Variants in OR5H14 observed in about 807,000 individuals in gnomAD.
OR5H14 encodes olfactory receptor 5H14.
For synonymous variants in OR5H14, 155 were observed against 130.6 expected (o/e 1.19, Z -1.28); for missense variants, 392 against 363.9 (o/e 1.08, Z -0.63).
intron 1 of OR5H14, among the ~76,000 whole-genome samples, chr3:98,148,819 C>G (rs76857063): frequency 1.3e-5 from 2 of 151,924 alleles, no homozygotes; most frequent in Non-Finnish European, 2.9e-5. Flanking sequence ...ATAAAACACC[C>G]TCCCAGATAA....
Position 98,156,091 on chromosome 3 carries a change from C to T in OR5H14, c.*5773C>T, listed in dbSNP as rs1445159840. 6.6e-6 allele frequency: 1 copy of T among 152,130 alleles called. No homozygotes were observed. The highest frequency in any genetic ancestry group is 1.5e-5 in the Non-Finnish European group (1 of 68,024). The allele number at this position is 152,130 out of a possible 1,614,324, so 9.4% of individuals were successfully genotyped here. On this transcript the variant is annotated 3_prime_UTR_variant, in exon 2 of 2. Coordinates refer to ENST00000641380, the MANE Select transcript of OR5H14 (RefSeq NM_001005514.2). ...AACGGAGATATACAATTGGTCAGCA[C>T]TTTTGTTGAAAGCAAATTTTTACAA...
At position 98,153,573 on chromosome 3, in the gene OR5H14, A is replaced by G. The variant is rs1266067051; in HGVS notation, c.*3255A>G. ...ACACCAGCCTAGGGAACAGAGTGAG[A>G]CACTGTCTCAGAAAAAGAAAAGAAA... On this transcript the variant is annotated 3_prime_UTR_variant, in exon 2 of 2. Coordinates refer to ENST00000641380, the MANE Select transcript of OR5H14 (RefSeq NM_001005514.2). The G allele has an allele frequency of 6.6e-6, 1 of 152,246 alleles. No homozygotes were observed. Among genetic ancestry groups the G allele is most frequent in the South Asian group, 2.1e-4 (1 of 4,832 alleles). 9.4% of individuals were successfully genotyped at this position (152,246 alleles called of 1,614,324 possible).
rs1708513088 is a variant in OR5H14, at chr3:98,151,840, G to C, written c.*1522G>C. ...ATTGGTTAAAGTAAACTTTTGTTAAGAACCTATCATCAGAGTGAACAGGCA... is the reference window on the plus strand; with the variant it reads ...ATTGGTTAAAGTAAACTTTTGTTAACAACCTATCATCAGAGTGAACAGGCA... On this transcript the variant is annotated 3_prime_UTR_variant, in exon 2 of 2. Transcript: ENST00000641380. The C allele has an allele frequency of 6.6e-6, 1 of 152,122 alleles. No homozygotes were observed. The highest frequency in any genetic ancestry group is 2.4e-5 in the African/African-American group (1 of 41,428). The allele number at this position is 152,122 out of a possible 1,614,324, so 9.4% of individuals were successfully genotyped here.
Position 98,150,875 on chromosome 3 carries a change from T to A in OR5H14, c.*557T>A, listed in dbSNP as rs1014449015. 6.6e-6 allele frequency: 1 copy of A among 152,322 alleles called. No homozygotes were observed. Among genetic ancestry groups the A allele is most frequent in the African/African-American group, 2.4e-5 (1 of 41,436 alleles). The allele number at this position is 152,322 out of a possible 1,614,324, so 9.4% of individuals were successfully genotyped here. On this transcript the variant is annotated 3_prime_UTR_variant, in exon 2 of 2. Transcript: ENST00000641380. ...AAATGGAAATGCAATTAGGACAAAA[T>A]GAGAAGTGTTTAACAGTGAAGGCAC...
At chr3:98,147,794 A>T (rs573939274) in intron 1 of OR5H14, among the ~76,000 whole-genome samples, 33 of 152,156 alleles carry the variant, frequency 2.2e-4, no homozygotes, top group Admixed American at 1.6e-3. Context: ...TAATCTTGTT[A>T]TAATAACTTC....
chr3:98,148,040 C>T (rs138875243), intron 1 of OR5H14: 3 of 151,876 alleles, frequency 2.0e-5, no homozygotes, highest in Admixed American at 2.0e-4. Flanking sequence ...AATAAAGGTA[C>T]CTTTAAGTAG....
In OR5H14 at chr3:98,154,555, A is replaced by G. The variant is rs796489346; in HGVS notation, c.*4237A>G. Reference sequence around the variant, plus strand: ...CTGGTTCATCTGAGGACGTGACTTTATAAGGCATTTATCTAGTTTCCTTTA... The same window carrying G: ...CTGGTTCATCTGAGGACGTGACTTTGTAAGGCATTTATCTAGTTTCCTTTA... On this transcript the variant is annotated 3_prime_UTR_variant, in exon 2 of 2. Transcript: ENST00000641380. 6.6e-6 allele frequency: 1 copy of G among 151,938 alleles called. No individual in the cohort carries two copies. Among genetic ancestry groups the G allele is most frequent in the African/African-American group, 2.4e-5 (1 of 41,342 alleles). 9.4% of individuals were successfully genotyped at this position (151,938 alleles called of 1,614,324 possible).
rs1708555208 is a variant in OR5H14, at chr3:98,154,420, TA to T, written c.*4105del. 1 of 152,238 alleles carries T rather than the reference TA, an allele frequency of 6.6e-6. No homozygotes were observed. The highest frequency in any genetic ancestry group is 2.4e-5 in the African/African-American group (1 of 41,464). 9.4% of individuals were successfully genotyped at this position (152,238 alleles called of 1,614,324 possible). On this transcript the variant is annotated 3_prime_UTR_variant, in exon 2 of 2. Coordinates refer to ENST00000641380, the MANE Select transcript of OR5H14 (RefSeq NM_001005514.2). Reference sequence around the variant, plus strand: ...GGATTATATAATCCTGGAAGAATTCTAAATTCCACAGAAAATGTCTGGCACT... The same window carrying T: ...GGATTATATAATCCTGGAAGAATTCTAATTCCACAGAAAATGTCTGGCACT...
intron 1 of OR5H14, 178 bp from the exon 2 acceptor site, chr3:98,149,190 A>C: frequency 2.8e-6 from 2 of 714,868 alleles, no homozygotes; most frequent in East Asian, 2.7e-5. Flanking sequence ...CCAAATTTTC[A>C]AACTAAAATA....
In OR5H14 at chr3:98,156,278, G is replaced by A. The variant is rs930820242; in HGVS notation, c.*5960G>A. The A allele has an allele frequency of 1.3e-5, 2 of 152,034 alleles. No individual in the cohort carries two copies. Among genetic ancestry groups the A allele is most frequent in the Admixed American group, 6.6e-5 (1 of 15,254 alleles). The allele number at this position is 152,034 out of a possible 1,614,324, so 9.4% of individuals were successfully genotyped here. On this transcript the variant is annotated 3_prime_UTR_variant, in exon 2 of 2. Coordinates refer to ENST00000641380, the MANE Select transcript of OR5H14 (RefSeq NM_001005514.2). ...ATAATTTCTTATGATATTAGTAAAA[G>A]AGAAATTATTTTATCATATCCACTA...
At position 98,150,021 on chromosome 3, in the gene OR5H14, G is replaced by A; in HGVS notation, c.636G>A (p.Gly212=). The A allele has an allele frequency of 6.2e-7, 1 of 1,612,952 alleles. No homozygotes were observed. Among genetic ancestry groups the A allele is most frequent in the Non-Finnish European group, 8.5e-7 (1 of 1,179,520 alleles). The change falls in exon 2 of 2, where the codon GGG becomes GGA. Residue 212 remains glycine (G), a synonymous_variant. Transcript: ENST00000641380. ...FAGSIQVFTI[G]TVLISYIFVL... is the part of the protein sequence containing the mutation. The stretch of plus-strand genomic sequence containing the variant: ...GTTCAATTCAAGTTTTTACCATAGG[G>A]ACTGTTCTTATATCTTACATATTTG...
rs4857074 is a variant in OR5H14 at position 98,149,239 on chromosome 3, C to A, written c.-18-129C>A. On this transcript the variant is annotated intron_variant, in intron 1 of 1. Transcript: ENST00000641380. Reference sequence around the variant, plus strand: ...ATTTCTTTAACCCCTTATAGGATTTCTTATTTATAATAATGATCAAAAAAT... The same window carrying A: ...ATTTCTTTAACCCCTTATAGGATTTATTATTTATAATAATGATCAAAAAAT... 5,622 of 1,027,232 alleles carry A rather than the reference C, an allele frequency of 5.5e-3. 193 individuals carry two copies. The East Asian group carries it at 0.081, about 15-fold the overall frequency. 63.6% of individuals were successfully genotyped at this position (1,027,232 alleles called of 1,614,324 possible).
In OR5H14 at chr3:98,152,203, G is replaced by T. The variant is rs1708518418; in HGVS notation, c.*1885G>T. 1 of 152,134 alleles carries T rather than the reference G, an allele frequency of 6.6e-6. No homozygotes were observed. The highest frequency in any genetic ancestry group is 2.4e-5 in the African/African-American group (1 of 41,428). 9.4% of individuals were successfully genotyped at this position (152,134 alleles called of 1,614,324 possible). A position where few individuals can be genotyped will look rare whatever the true frequency, so the allele number is the denominator to read the frequency against. Reference sequence around the variant, plus strand: ...AAGAACTCATTTATCCTGTTGGTGGGAGTGTAATTAGTTCAACCTTTGTGG... The same window carrying T: ...AAGAACTCATTTATCCTGTTGGTGGTAGTGTAATTAGTTCAACCTTTGTGG... On this transcript the variant is annotated 3_prime_UTR_variant, in exon 2 of 2. Coordinates refer to ENST00000641380, the MANE Select transcript of OR5H14 (RefSeq NM_001005514.2).
chr3:98,154,266 T>C lies in OR5H14; in HGVS notation c.*3948T>C, dbSNP rs1023886247. On this transcript the variant is annotated 3_prime_UTR_variant, in exon 2 of 2. Transcript: ENST00000641380. ...TTTGTTATTTTCCCAACCCTTTTTGTTCCTTTTCTGGAAGATTGAGGGGTT... is the reference window on the plus strand; with the variant it reads ...TTTGTTATTTTCCCAACCCTTTTTGCTCCTTTTCTGGAAGATTGAGGGGTT... 2 of 152,228 alleles carry C rather than the reference T, an allele frequency of 1.3e-5. No homozygotes were observed. The highest frequency in any genetic ancestry group is 6.5e-5 in the Admixed American group (1 of 15,280). The allele number at this position is 152,228 out of a possible 1,614,324, so 9.4% of individuals were successfully genotyped here.
In OR5H14 at chr3:98,150,839, T is replaced by C. The variant is rs1708497424; in HGVS notation, c.*521T>C. The C allele has an allele frequency of 1.3e-5, 2 of 152,226 alleles. No individual in the cohort carries two copies. Among genetic ancestry groups the C allele is most frequent in the South Asian group, 2.1e-4 (1 of 4,828 alleles). 9.4% of individuals were successfully genotyped at this position (152,226 alleles called of 1,614,324 possible). On this transcript the variant is annotated 3_prime_UTR_variant, in exon 2 of 2. Transcript: ENST00000641380. ...GTAGGAAGTCAACTCATATATCAAA[T>C]AAAGAAGCAGAAATGGAAATGCAAT...
rs1217853465 is a variant in OR5H14, at chr3:98,152,564, C to G, written c.*2246C>G. On this transcript the variant is annotated 3_prime_UTR_variant, in exon 2 of 2. Transcript: ENST00000641380. The stretch of plus-strand genomic sequence containing the variant: ...TAACACAGGAACAGAAAACAAAACA[C>G]TGCAAGTTCTCACTCATAAGTGTGG... 2 of 152,156 alleles carry G rather than the reference C, an allele frequency of 1.3e-5. No homozygotes were observed. The highest frequency in any genetic ancestry group is 4.8e-5 in the African/African-American group (2 of 41,412). 9.4% of individuals were successfully genotyped at this position (152,156 alleles called of 1,614,324 possible). A position where few individuals can be genotyped will look rare whatever the true frequency, so the allele number is the denominator to read the frequency against.
Position 98,150,333 on chromosome 3 carries a change from CTCT to C in OR5H14, c.*17_*19del, listed in dbSNP as rs779558531. 99 of 1,469,590 alleles carry C rather than the reference CTCT, an allele frequency of 6.7e-5. No individual in the cohort carries two copies. The highest frequency in any genetic ancestry group is 8.1e-5 in the Non-Finnish European group (89 of 1,096,668). 91.0% of individuals were successfully genotyped at this position (1,469,590 alleles called of 1,614,324 possible). ...ATGATGTTTAGATCATTACTAATAT[CTCT>C]TTTCTATTTACTAAAATGTCACAAA... On this transcript the variant is annotated 3_prime_UTR_variant, in exon 2 of 2. Transcript: ENST00000641380.
In OR5H14 at chr3:98,154,636, G is replaced by T. The variant is rs1325129365; in HGVS notation, c.*4318G>T. The T allele has an allele frequency of 4.6e-5, 7 of 152,204 alleles. No individual in the cohort carries two copies. The highest frequency in any genetic ancestry group is 1.4e-4 in the African/African-American group (6 of 41,452). 9.4% of individuals were successfully genotyped at this position (152,204 alleles called of 1,614,324 possible). A position where few individuals can be genotyped will look rare whatever the true frequency, so the allele number is the denominator to read the frequency against. On this transcript the variant is annotated 3_prime_UTR_variant, in exon 2 of 2. Transcript: ENST00000641380. ...AGGCTTAGTAGATGCAGAGTGACAA[G>T]ATAGAGTATGATAGAATGAAATATA...
rs553324984 is a variant in OR5H14 at position 98,151,390 on chromosome 3, G to A, written c.*1072G>A. Reference sequence around the variant, plus strand: ...CTCACTTCATATTCTTGAAGTATGTGAGTCATCCATCTGCCATTCCACTCT... The same window carrying A: ...CTCACTTCATATTCTTGAAGTATGTAAGTCATCCATCTGCCATTCCACTCT... On this transcript the variant is annotated 3_prime_UTR_variant, in exon 2 of 2. Coordinates refer to ENST00000641380, the MANE Select transcript of OR5H14 (RefSeq NM_001005514.2). The A allele has an allele frequency of 4.6e-5, 7 of 152,162 alleles. No individual in the cohort carries two copies. The East Asian group carries it at 1.4e-3, about 29-fold the overall frequency. The allele number at this position is 152,162 out of a possible 1,614,324, so 9.4% of individuals were successfully genotyped here.
Sources: gnomAD v4.1 joint callset for allele counts (sites outside exome capture counted in the v4.1 genomes callset) on GRCh38, gnomAD v4.1.1 for gene constraint, MANE v1.5 for transcripts, NCBI Gene and HGNC (gene_info 2026-07-23, HGNC 2026-07-21) for gene names.